AKAP13: variants seen among roughly 807,000 people sequenced by gnomAD.
AKAP13 encodes the protein A-kinase anchoring protein 13.
In AKAP13, 80 loss-of-function variants were observed where a neutral mutation model predicts 264.5. That is an observed-to-expected ratio of 0.30 (90% CI 0.25 to 0.36). AKAP13 has a LOEUF of 0.36. AKAP13 is among the 10% of genes least tolerant of loss of function. The pLI, the probability that AKAP13 is intolerant of heterozygous loss-of-function variation, is 1.00. For synonymous variants in AKAP13, 1,380 were observed against 1,250.2 expected, an observed-to-expected ratio of 1.10 and a Z score of -2.19; for missense variants, 3,712 against 3,435.2, an observed-to-expected ratio of 1.08 and a Z score of -2.01.
chr15:85,582,855 G>GT, intron 7 of AKAP13: 1 of 984,898 alleles, frequency 1.0e-6, no homozygotes, highest in Non-Finnish European at 1.2e-6. Flanking sequence ...TGCTGTCACA[G>GT]GGCAGACCTT....
chr15:85,419,220 A>G (rs778830105), intron 1 of AKAP13, among the ~76,000 whole-genome samples: 14 of 152,224 alleles, frequency 9.2e-5, no homozygotes, highest in Non-Finnish European at 1.8e-4. Context: ...GTACTTTGCA[A>G]ACTTCTTTGT....
chr15:85,611,313 T>C (rs1337125360), intron 8 of AKAP13, among the ~76,000 whole-genome samples: 2 of 152,330 alleles, frequency 1.3e-5, no homozygotes, highest in East Asian at 3.9e-4. Flanking sequence ...CAGATATCTC[T>C]GAGATACCAT....
chr15:85,533,883 G>T lies in AKAP13; in HGVS notation c.478+3G>T. 2 of 1,562,258 alleles carry T rather than the reference G, an allele frequency of 1.3e-6. No homozygotes were observed. The highest frequency in any genetic ancestry group is 1.7e-6 in the Non-Finnish European group (2 of 1,155,532). On this transcript the variant is annotated splice_donor_region_variant and intron_variant, in intron 4 of 36. Transcript: ENST00000394518. ...GGGGACAGATCAGAGTTTGCATGGTGAGAATTTATATGATCTACAAACACA... is the reference window on the plus strand; with the variant it reads ...GGGGACAGATCAGAGTTTGCATGGTTAGAATTTATATGATCTACAAACACA...
intron 1 of AKAP13, among the ~76,000 whole-genome samples, chr15:85,432,186 T>G (rs984169797): frequency 3.3e-5 from 5 of 152,292 alleles, no homozygotes; most frequent in East Asian, 1.9e-4. Context: ...TCTAACCTCA[T>G]TCCTAACTTA....
At chr15:85,493,157 G>T (rs1409229816) in intron 2 of AKAP13, among the ~76,000 whole-genome samples, 1 of 152,212 alleles carries the variant, frequency 6.6e-6, no homozygotes, top group East Asian at 1.9e-4. Context: ...CGTTGTCTCT[G>T]CCTTTGTGGA....
chr15:85,506,936 A>T (rs1230674067), intron 2 of AKAP13, among the ~76,000 whole-genome samples: 1 of 152,190 alleles, frequency 6.6e-6, no homozygotes, highest in Non-Finnish European at 1.5e-5. Context: ...GTGCCTTCGT[A>T]CATACTCTCC....
rs2077641421 is a variant in AKAP13 at position 85,543,639 on chromosome 15, C to T, written c.479-133C>T. The T allele has an allele frequency of 2.9e-6, 3 of 1,020,332 alleles. No individual in the cohort carries two copies. The South Asian group carries it at 5.3e-5, about 18-fold the overall frequency. The allele number at this position is 1,020,332 out of a possible 1,614,324, so 63.2% of individuals were successfully genotyped here. A position where few individuals can be genotyped will look rare whatever the true frequency, so the allele number is the denominator to read the frequency against. The stretch of plus-strand genomic sequence containing the variant: ...CCTGGCCACAATAAAGCTGTTCACA[C>T]TGTATGTTGTAGCTTAACTTTACAA... On this transcript the variant is annotated intron_variant, in intron 4 of 36. Coordinates refer to ENST00000394518, the MANE Select transcript of AKAP13 (RefSeq NM_007200.5).
rs192011627 is a variant in AKAP13 at position 85,468,151 on chromosome 15, T to G, written c.-11-17559T>G. Among the ~76,000 whole-genome samples, 6 of 152,328 alleles carry G rather than the reference T, an allele frequency of 3.9e-5. No individual in the cohort carries two copies. The Middle Eastern group carries it at 0.017, about 432-fold the overall frequency. On this transcript the variant is annotated intron_variant, in intron 1 of 36. Transcript: ENST00000394518. ...TCAGGGTAAAGGAACTTTTGAGGTA[T>G]TCTATGAAGACTTATTAAGGCTGCA...
At chr15:85,634,816 C>A (rs921812994) in intron 8 of AKAP13, among the ~76,000 whole-genome samples, 2 of 149,896 alleles carry the variant, frequency 1.3e-5, no homozygotes, top group Non-Finnish European at 3.0e-5. Flanking sequence ...TAGAACCATA[C>A]AATACATAGT....
chr15:85,700,384 T>C (rs2085839411), intron 17 of AKAP13, among the ~76,000 whole-genome samples: 1 of 152,186 alleles, frequency 6.6e-6, no homozygotes, highest in Non-Finnish European at 1.5e-5. Flanking sequence ...CACAAGTTAT[T>C]AGACTCCTTA....
At chr15:85,543,710 G>GT (rs1407419150) in intron 4 of AKAP13, 62 bp from the exon 5 acceptor site, 1 of 1,512,810 alleles carries the variant, frequency 6.6e-7, no homozygotes, top group African/African-American at 1.4e-5. Flanking sequence ...TTGTCTTTAT[G>GT]TTTGTTTGTT....
intron 1 of AKAP13, among the ~76,000 whole-genome samples, chr15:85,475,981 G>A (rs1395425640): frequency 1.7e-4 from 26 of 152,142 alleles, no homozygotes; most frequent in Admixed American, 1.7e-3. Context: ...CAGTAGACTA[G>A]ATTAAAAACA....
At chr15:85,396,092 C>A (rs1192859721) in intron 1 of AKAP13, among the ~76,000 whole-genome samples, 1 of 151,946 alleles carries the variant, frequency 6.6e-6, no homozygotes, top group African/African-American at 2.4e-5. Context: ...TTAATAAAAT[C>A]TATCCTGTTG....
At position 85,717,269 on chromosome 15, in the gene AKAP13, G is replaced by C. The variant is rs144989685; in HGVS notation, c.5736-21G>C. ...GTTATCAGAATGTATTTGACAGTATGTATTTTTCTTTTGTCCCCAGAGTTG... is the reference window on the plus strand; with the variant it reads ...GTTATCAGAATGTATTTGACAGTATCTATTTTTCTTTTGTCCCCAGAGTTG... On this transcript the variant is annotated intron_variant, in intron 20 of 36. Coordinates refer to ENST00000394518, the MANE Select transcript of AKAP13 (RefSeq NM_007200.5). 19 of 1,483,670 alleles carry C rather than the reference G, an allele frequency of 1.3e-5. No homozygotes were observed. The South Asian group carries it at 2.0e-4, about 15-fold the overall frequency. The allele number at this position is 1,483,670 out of a possible 1,614,324, so 91.9% of individuals were successfully genotyped here.
At chr15:85,619,535 TTTTC>T in intron 8 of AKAP13, 1 of 985,380 alleles carries the variant, frequency 1.0e-6, no homozygotes, top group Middle Eastern at 5.2e-4. Context: ...GAAAAGTAGA[TTTTC>T]TTTGTCTTTG....
intron 1 of AKAP13, among the ~76,000 whole-genome samples, chr15:85,421,859 C>T (rs532575552): frequency 1.2e-4 from 19 of 152,332 alleles, no homozygotes; most frequent in African/African-American, 3.8e-4. Context: ...TGCATTTCCA[C>T]CATGTTGCAT....
At chr15:85,562,555 A>T (rs2078419731) in intron 5 of AKAP13, among the ~76,000 whole-genome samples, 1 of 107,130 alleles carries the variant, frequency 9.3e-6, no homozygotes, top group East Asian at 2.8e-4. Context: ...ACAGAGTGAG[A>T]ATCTGCCTCA....
intron 8 of AKAP13, among the ~76,000 whole-genome samples, chr15:85,598,171 A>G (rs78938203): frequency 0.062 from 9,400 of 152,170 alleles, 602 homozygotes; most frequent in East Asian, 0.36. Context: ...CCTGAAGACA[A>G]TGGGTTGGTT....
chr15:85,496,314 G>T (rs912430479), intron 2 of AKAP13, among the ~76,000 whole-genome samples: 7 of 152,062 alleles, frequency 4.6e-5, no homozygotes, highest in Non-Finnish European at 1.0e-4. Context: ...TTGGGTTCCT[G>T]TTTACTCCAG....
Sources: allele counts gnomAD v4.1 joint callset (sites outside exome capture counted in the v4.1 genomes callset), GRCh38; gene constraint gnomAD v4.1.1; transcripts MANE v1.5; gene names NCBI Gene and HGNC (gene_info 2026-07-23, HGNC 2026-07-21).